Variants in GABRG2 observed in about 807,000 individuals in gnomAD.
GABRG2 encodes the protein gamma-aminobutyric acid receptor subunit gamma-2.
A neutral mutation model predicts 56.4 loss-of-function variants in GABRG2; 16 were observed. The observed-to-expected ratio is 0.28, with a 90% CI of 0.19 to 0.43. The LOEUF (loss-of-function observed/expected upper bound fraction) is 0.43. GABRG2 is among the 20% of genes least tolerant of loss of function. The pLI is 1.00. For synonymous variants in GABRG2, 208 were observed against 205.5 expected (o/e 1.01, Z -0.10); for missense variants, 327 against 582.7 (o/e 0.56, Z 4.52).
chr5:162,120,013 G>A (rs1409931444), intron 6 of GABRG2, among the ~76,000 whole-genome samples: 1 of 152,028 alleles, frequency 6.6e-6, no homozygotes, highest in African/African-American at 2.4e-5. Context: ...GTGCCTCTCA[G>A]ACAGAGGCTG....
At chr5:162,091,572 A>T (rs551335878) in intron 1 of GABRG2, among the ~76,000 whole-genome samples, 1 of 152,192 alleles carries the variant, frequency 6.6e-6, no homozygotes, top group Admixed American at 6.6e-5. Context: ...GCATTTCCTG[A>T]TTCCCAAACA....
chr5:162,149,484 G>GTCTCTCTCA, intron 8 of GABRG2, 171 bp downstream of exon 8: 1 of 731,784 alleles, frequency 1.4e-6, no homozygotes, highest in Non-Finnish European at 2.5e-6. Context: ...AGTTACTTGA[G>GTCTCTCTCA]AGAGACTCAA....
intron 6 of GABRG2, among the ~76,000 whole-genome samples, chr5:162,114,237 T>C (rs547467128): frequency 1.3e-5 from 2 of 152,280 alleles, no homozygotes; most frequent in Admixed American, 6.5e-5. Context: ...TACCAAAGTC[T>C]CTACTACTCC....
chr5:162,088,769 TG>T (rs1760331253), intron 1 of GABRG2, among the ~76,000 whole-genome samples: 1 of 152,154 alleles, frequency 6.6e-6, no homozygotes, highest in Admixed American at 6.6e-5. Flanking sequence ...CTATTATGAT[TG>T]TAACAGTGCT....
At chr5:162,080,567 C>G (rs1759569821) in intron 1 of GABRG2, among the ~76,000 whole-genome samples, 1 of 152,120 alleles carries the variant, frequency 6.6e-6, no homozygotes, top group South Asian at 2.1e-4. Context: ...TGTACGGTCT[C>G]AAAACCATTG....
intron 6 of GABRG2, among the ~76,000 whole-genome samples, chr5:162,105,432 C>CTTTTTTTTTT (rs533258756): frequency 0.11 from 11,863 of 103,570 alleles, 1,808 homozygotes; most frequent in Middle Eastern, 0.13. Context: ...GTAGAACAAT[C>CTTTTTTTTTT]TTTTTTTTTT....
At chr5:162,092,720 C>T (rs1760696400) in intron 1 of GABRG2, among the ~76,000 whole-genome samples, 1 of 151,828 alleles carries the variant, frequency 6.6e-6, no homozygotes, top group Non-Finnish European at 1.5e-5. Context: ...GTAAGTGTGG[C>T]AATTATGTCA....
At chr5:162,149,667 G>C (rs1478354390) in intron 8 of GABRG2, 1 of 595,660 alleles carries the variant, frequency 1.7e-6, no homozygotes, top group Non-Finnish European at 3.2e-6. Context: ...AGGCTGGAGT[G>C]CAGTGGCGGG....
At chr5:162,137,416 G>T (rs1053942864) in intron 6 of GABRG2, among the ~76,000 whole-genome samples, 1 of 152,066 alleles carries the variant, frequency 6.6e-6, no homozygotes, top group Non-Finnish European at 1.5e-5. Context: ...ACATTACCAA[G>T]GAATTTATTT....
intron 8 of GABRG2, chr5:162,149,987 G>A (rs1765252202): frequency 5.4e-6 from 1 of 185,710 alleles, no homozygotes; most frequent in Non-Finnish European, 1.1e-5. Context: ...GAAGCTATAA[G>A]GTCCTTGAAG....
At chr5:162,121,108 G>C (rs562565809) in intron 6 of GABRG2, among the ~76,000 whole-genome samples, 1 of 152,098 alleles carries the variant, frequency 6.6e-6, no homozygotes, top group Non-Finnish European at 1.5e-5. Flanking sequence ...TCTGTCAAAA[G>C]TATGGACCAA....
At chr5:162,110,310 A>G (rs1482906224) in intron 6 of GABRG2, among the ~76,000 whole-genome samples, 1 of 152,102 alleles carries the variant, frequency 6.6e-6, no homozygotes, top group Non-Finnish European at 1.5e-5. Flanking sequence ...TCATTCTCCC[A>G]TCATACTGTT....
At chr5:162,144,943 T>A (rs1764845856) in intron 7 of GABRG2, among the ~76,000 whole-genome samples, 1 of 152,166 alleles carries the variant, frequency 6.6e-6, no homozygotes, top group African/African-American at 2.4e-5. Context: ...AGAACGTGAC[T>A]TAGGAGTTAG....
At chr5:162,091,747 C>T (rs1206636999) in intron 1 of GABRG2, among the ~76,000 whole-genome samples, 1 of 152,110 alleles carries the variant, frequency 6.6e-6, no homozygotes, top group African/African-American at 2.4e-5. Flanking sequence ...TATTTTCCCT[C>T]CTGGTCTGCC....
intron 6 of GABRG2, among the ~76,000 whole-genome samples, chr5:162,111,419 G>A (rs1317267731): frequency 1.3e-5 from 2 of 152,098 alleles, no homozygotes; most frequent in African/African-American, 4.8e-5. Context: ...TAGTTTTTAA[G>A]GGGCGGAGGG....
In GABRG2 at chr5:162,149,278, C is replaced by T. The variant is rs377035112; in HGVS notation, c.1093C>T (p.Pro365Ser). The T allele has an allele frequency of 6.2e-7, 1 of 1,613,976 alleles. No individual in the cohort carries two copies. Among genetic ancestry groups the T allele is most frequent in the Non-Finnish European group, 8.5e-7 (1 of 1,180,028 alleles). ...TLHYFVSNRK[P>S]SKDKDKKKKN... is the part of the protein sequence containing the mutation. ...GCATTATTTTGTCAGCAACCGGAAA[C>T]CAAGCAAGGACAAAGATAAAAAGAA... The change falls in exon 8 of 10, where the codon CCA becomes TCA. Residue 365 changes from proline (P) to serine (S), a missense_variant. By Grantham distance (74) the Pro-to-Ser change is moderately conservative. Around this residue, in one of 4 missense-constraint regions of GABRG2, gnomAD observed 108 missense variants for 144.2 expected, o/e 0.75. Transcript: ENST00000639213.
chr5:162,142,365 A>G (rs752243399), intron 7 of GABRG2, 49 bp downstream of exon 7: 45 of 1,586,190 alleles, frequency 2.8e-5, no homozygotes, highest in South Asian at 5.5e-5. Flanking sequence ...AGTACCAAAT[A>G]CAAGTAATTT....
In GABRG2 at chr5:162,151,962, G is replaced by T. The variant is rs1170146586; in HGVS notation, c.1152+209G>T. On this transcript the variant is annotated intron_variant, in intron 9 of 9. Transcript: ENST00000639213. ...TTTTAATCTTACACCAAGCCCAAAA[G>T]CTATAATCCCTGTGAGATGTCATAG... 1.9e-5 allele frequency: 9 copies of T among 467,222 alleles called. No homozygotes were observed. The East Asian group carries it at 3.0e-4, about 16-fold the overall frequency. 28.9% of individuals were successfully genotyped at this position (467,222 alleles called of 1,614,324 possible). A position where few individuals can be genotyped will look rare whatever the true frequency, so the allele number is the denominator to read the frequency against.
intron 9 of GABRG2, chr5:162,152,726 C>T: frequency 2.0e-6 from 1 of 502,662 alleles, no homozygotes; most frequent in Non-Finnish European, 3.5e-6. Context: ...TTTCTCTGTT[C>T]CACTCACATG....
Sources: allele counts gnomAD v4.1 joint callset (sites outside exome capture counted in the v4.1 genomes callset), GRCh38; gene constraint gnomAD v4.1.1; regional missense constraint gnomAD v4.1.1; transcripts MANE v1.5; gene names NCBI Gene and HGNC (gene_info 2026-07-23, HGNC 2026-07-21).